The following NDUFS4 variants were observed in gnomAD, a reference collection of about 807,000 sequenced individuals.
NDUFS4 encodes the protein NADH dehydrogenase [ubiquinone] iron-sulfur protein 4, mitochondrial.
NDUFS4 carries 28 observed loss-of-function variants against 24.3 expected under a neutral mutation model. That is an observed-to-expected ratio of 1.15 (90% confidence interval 0.85 to 1.58). NDUFS4 has a LOEUF of 1.58. Ranked by LOEUF, NDUFS4 falls within the 40% of genes most tolerant of loss-of-function variation. The pLI, the probability that NDUFS4 is intolerant of heterozygous loss-of-function variation, is 0.00. For synonymous variants in NDUFS4, 93 were observed against 69.7 expected (o/e 1.34, Z -1.67); for missense variants, 223 against 207.9 (o/e 1.07, Z -0.45).
chr5:53,651,138 A>T (rs1004668130), intron 3 of NDUFS4, among the ~76,000 whole-genome samples: 1 of 152,126 alleles, frequency 6.6e-6, no homozygotes, highest in Non-Finnish European at 1.5e-5. Context: ...ACATTCATTA[A>T]TTCTTTTTGT....
intron 3 of NDUFS4, among the ~76,000 whole-genome samples, chr5:53,655,804 T>C (rs183975630): frequency 1.1e-4 from 16 of 152,310 alleles, no homozygotes; most frequent in African/African-American, 2.9e-4. Context: ...AGCCTTAGTC[T>C]TGGAACCTAG....
At chr5:53,607,504 T>C (rs1191086668) in intron 2 of NDUFS4, among the ~76,000 whole-genome samples, 1 of 152,164 alleles carries the variant, frequency 6.6e-6, no homozygotes, top group Admixed American at 6.6e-5. Context: ...AAGACTGTTC[T>C]AGTGGGATTG....
intron 1 of NDUFS4, among the ~76,000 whole-genome samples, chr5:53,576,957 T>C (rs1749407302): frequency 6.6e-6 from 1 of 152,160 alleles, no homozygotes; most frequent in Admixed American, 6.5e-5. Flanking sequence ...TTTTGAGGAT[T>C]AGCAGTGTTC....
chr5:53,578,336 G>A (rs529474090), intron 1 of NDUFS4, among the ~76,000 whole-genome samples: 2 of 152,144 alleles, frequency 1.3e-5, no homozygotes, highest in African/African-American at 4.8e-5. Context: ...AATTCTTATT[G>A]TGGCCAACTC....
chr5:53,652,583 T>C lies in NDUFS4; in HGVS notation c.351-5968T>C, dbSNP rs139806813. On this transcript the variant is annotated intron_variant, in intron 3 of 4. Transcript: ENST00000296684. ...TTATCTGCTTATCTACAGTATTTTT[T>C]GAAAGGCCACTTTGGTTCACATGTA... Among the ~76,000 whole-genome samples, 228 of 152,298 alleles carry C rather than the reference T, an allele frequency of 1.5e-3. 1 individual carries two copies. Among genetic ancestry groups the C allele is most frequent in the African/African-American group, 5.0e-3 (206 of 41,580 alleles).
At chr5:53,569,826 C>T (rs1010516678) in intron 1 of NDUFS4, among the ~76,000 whole-genome samples, 15 of 152,130 alleles carry the variant, frequency 9.9e-5, no homozygotes, top group African/African-American at 3.6e-4. Flanking sequence ...GCTTTACTAC[C>T]TCTTGGTACC....
At chr5:53,678,904 G>A (rs1740564815) in intron 4 of NDUFS4, among the ~76,000 whole-genome samples, 2 of 152,202 alleles carry the variant, frequency 1.3e-5, no homozygotes, top group South Asian at 2.1e-4. Context: ...GTTTGCTCAA[G>A]TAACCTTTAC....
chr5:53,598,802 T>A (rs1361146048), intron 1 of NDUFS4, among the ~76,000 whole-genome samples: 1 of 152,222 alleles, frequency 6.6e-6, no homozygotes, highest in African/African-American at 2.4e-5. Context: ...ATATCTCTTT[T>A]TCTTTCAGGA....
intron 2 of NDUFS4, among the ~76,000 whole-genome samples, chr5:53,636,980 A>G (rs1751575132): frequency 6.6e-6 from 1 of 152,156 alleles, no homozygotes; most frequent in Non-Finnish European, 1.5e-5. Flanking sequence ...TTTATAAAAT[A>G]CCCAGTTTCA....
chr5:53,623,841 C>G (rs969008679), intron 2 of NDUFS4, among the ~76,000 whole-genome samples: 7 of 152,174 alleles, frequency 4.6e-5, no homozygotes, highest in African/African-American at 1.7e-4. Flanking sequence ...GCCTCAGCCT[C>G]CTGAGTAGCT....
intron 2 of NDUFS4, among the ~76,000 whole-genome samples, chr5:53,642,680 G>C (rs1751738197): frequency 6.6e-6 from 1 of 152,066 alleles, no homozygotes; most frequent in African/African-American, 2.4e-5. Context: ...TTTTAATATG[G>C]AAAACTAGTA....
At chr5:53,578,626 T>C (rs954408924) in intron 1 of NDUFS4, among the ~76,000 whole-genome samples, 1 of 152,166 alleles carries the variant, frequency 6.6e-6, no homozygotes, top group African/African-American at 2.4e-5. Context: ...ACATAATACT[T>C]CCTGTTTTGT....
At chr5:53,565,999 C>T (rs193300548) in intron 1 of NDUFS4, among the ~76,000 whole-genome samples, 45 of 151,410 alleles carry the variant, frequency 3.0e-4, no homozygotes, top group African/African-American at 9.0e-4. Flanking sequence ...TGGTGAAACC[C>T]CGTCTCCACT....
Position 53,658,758 on chromosome 5 carries a change from T to C in NDUFS4, c.424+134T>C, listed in dbSNP as rs80237187. 0.011 allele frequency: 5,769 copies of C among 536,260 alleles called. 46 individuals are homozygous for C. Among genetic ancestry groups the C allele is most frequent in the Middle Eastern group, 0.014 (26 of 1,812 alleles). 33.2% of individuals were successfully genotyped at this position (536,260 alleles called of 1,614,324 possible). On this transcript the variant is annotated intron_variant, in intron 4 of 4. Transcript: ENST00000296684. ...TGTATCTAATCCAGTGGTTTCAGAC[T>C]TTAACTACATCAGAACACCCACCTC...
intron 2 of NDUFS4, among the ~76,000 whole-genome samples, chr5:53,630,016 C>G (rs537363264): frequency 6.6e-6 from 1 of 152,098 alleles, no homozygotes; most frequent in Non-Finnish European, 1.5e-5. Flanking sequence ...TGTCTGGTAC[C>G]AGTTGTTCCT....
At chr5:53,670,110 T>TC (rs1271204958) in intron 4 of NDUFS4, among the ~76,000 whole-genome samples, 1 of 152,126 alleles carries the variant, frequency 6.6e-6, no homozygotes, top group Non-Finnish European at 1.5e-5. Flanking sequence ...AATGATTATT[T>TC]CATAATGTTT....
chr5:53,601,121 C>T (rs1367497904), intron 1 of NDUFS4, among the ~76,000 whole-genome samples: 1 of 151,746 alleles, frequency 6.6e-6, no homozygotes, highest in East Asian at 1.9e-4. Flanking sequence ...TCTCCTGCCT[C>T]AGCCTCCGAG....
At chr5:53,636,827 C>T (rs977974116) in intron 2 of NDUFS4, among the ~76,000 whole-genome samples, 6 of 152,048 alleles carry the variant, frequency 3.9e-5, no homozygotes, top group Non-Finnish European at 8.8e-5. Context: ...AAAAGTATGT[C>T]GCATCTGCCC....
At chr5:53,639,092 T>C (rs1751635660) in intron 2 of NDUFS4, among the ~76,000 whole-genome samples, 1 of 151,984 alleles carries the variant, frequency 6.6e-6, no homozygotes, top group Non-Finnish European at 1.5e-5. Context: ...ACTCTCTTTT[T>C]TCCCATAATG....
Sources: allele counts gnomAD v4.1 joint callset (sites outside exome capture counted in the v4.1 genomes callset), GRCh38; gene constraint gnomAD v4.1.1; transcripts MANE v1.5; gene names NCBI Gene and HGNC (gene_info 2026-07-23, HGNC 2026-07-21).